The following GNG7 variants were observed in gnomAD, a reference collection of about 807,000 sequenced individuals.
The protein encoded by GNG7 is G protein subunit gamma 7.
Under a neutral mutation model 4.0 loss-of-function variants are expected in GNG7, and 1 was observed. The ratio of observed to expected loss-of-function variants is 0.25; its 90% confidence interval spans 0.09 to 1.18. GNG7 has a LOEUF of 1.18. Among genes scored for constraint, GNG7 ranks in the 50% most tolerant of loss-of-function variants. GNG7 has a pLI of 0.50. For missense variants in GNG7, 86 were observed against 91.9 expected, an observed-to-expected ratio of 0.94 and a Z score of 0.26; for synonymous variants, 34 against 36.9, an observed-to-expected ratio of 0.92 and a Z score of 0.29.
At chr19:2,576,531 A>G (rs1980347266) in intron 2 of GNG7, among the ~76,000 whole-genome samples, 1 of 151,792 alleles carries the variant, frequency 6.6e-6, no homozygotes, top group Non-Finnish European at 1.5e-5. Flanking sequence ...GGTCTTTTTT[A>G]TTTTATTATG....
chr19:2,515,283 T>C (rs1311332968), intron 4 of GNG7, 136 bp from the exon 5 acceptor site: 1 of 1,021,098 alleles, frequency 9.8e-7, no homozygotes, highest in African/African-American at 1.6e-5. Context: ...GGGCAAACAG[T>C]GCGGCCCGTC....
intron 1 of GNG7, among the ~76,000 whole-genome samples, chr19:2,674,309 A>G (rs1983539131): frequency 6.6e-6 from 1 of 152,218 alleles, no homozygotes; most frequent in African/African-American, 2.4e-5. Context: ...TATAATGGAA[A>G]TACACACAAT....
At chr19:2,659,613 AGAGGAGGGGAGGG>A (rs1983094058) in intron 1 of GNG7, among the ~76,000 whole-genome samples, 1 of 129,042 alleles carries the variant, frequency 7.7e-6, no homozygotes, top group Non-Finnish European at 1.6e-5. Context: ...AAAAAAAAAG[AGAGGAGGGGAGGG>A]AAAGAGGGAG....
At chr19:2,522,274 G>T (rs1024597101) in intron 3 of GNG7, among the ~76,000 whole-genome samples, 5 of 152,094 alleles carry the variant, frequency 3.3e-5, no homozygotes, top group Non-Finnish European at 5.9e-5. Flanking sequence ...GAGGGGGTTG[G>T]TGCTGATGGG....
intron 2 of GNG7, among the ~76,000 whole-genome samples, chr19:2,588,553 C>T (rs376397896): frequency 5.3e-5 from 8 of 152,218 alleles, no homozygotes; most frequent in East Asian, 3.8e-4. Context: ...GGCAGCTGGA[C>T]GCGGGCCCCG....
chr19:2,638,474 A>AGGGGAAGGGG (rs1982385334), intron 2 of GNG7, among the ~76,000 whole-genome samples: 1 of 10,538 alleles, frequency 9.5e-5, no homozygotes, highest in Non-Finnish European at 2.1e-4. Context: ...AGGGGAGGGG[A>AGGGGAAGGGG]AGGGGAGGGG....
chr19:2,540,829 C>A (rs1978936414), intron 3 of GNG7, among the ~76,000 whole-genome samples: 1 of 152,216 alleles, frequency 6.6e-6, no homozygotes, highest in Non-Finnish European at 1.5e-5. Context: ...GCACAGGAAG[C>A]CGTGACAGCG....
intron 4 of GNG7, among the ~76,000 whole-genome samples, chr19:2,517,739 T>C (rs1978291057): frequency 6.6e-6 from 1 of 152,188 alleles, no homozygotes; most frequent in South Asian, 2.1e-4. Flanking sequence ...CTCGAACTCC[T>C]AGGCTCAGGC....
At chr19:2,581,137 A>C (rs1176094727) in intron 2 of GNG7, among the ~76,000 whole-genome samples, 7 of 151,874 alleles carry the variant, frequency 4.6e-5, no homozygotes, top group Non-Finnish European at 1.0e-4. Context: ...CTCAAGAAAG[A>C]CTTCCATGAA....
intron 1 of GNG7, among the ~76,000 whole-genome samples, chr19:2,658,307 T>C (rs932776597): frequency 6.6e-6 from 1 of 152,212 alleles, no homozygotes; most frequent in South Asian, 2.1e-4. Context: ...AAGTATTTTA[T>C]GCTCTGTGAG....
Position 2,631,239 on chromosome 19 carries a change from G to A in GNG7, c.-78+14985C>T, listed in dbSNP as rs77178729. Among the ~76,000 whole-genome samples the A allele has an allele frequency of 7.7e-3, 1,168 of 152,274 alleles. 14 individuals are homozygous for A. The highest frequency in any genetic ancestry group is 0.026 in the African/African-American group (1,094 of 41,554). Reference sequence around the variant, plus strand: ...TTCAGAAAAGCACAGAGATGGCCCAGGGTCACAGAGCCAGTAGGTGGCAGA... The same window carrying A: ...TTCAGAAAAGCACAGAGATGGCCCAAGGTCACAGAGCCAGTAGGTGGCAGA... On this transcript the variant is annotated intron_variant, in intron 2 of 4. Coordinates refer to ENST00000382159, the MANE Select transcript of GNG7 (RefSeq NM_052847.3).
At chr19:2,525,914 A>G (rs1448864258) in intron 3 of GNG7, among the ~76,000 whole-genome samples, 2 of 146,252 alleles carry the variant, frequency 1.4e-5, no homozygotes, top group East Asian at 4.2e-4. Context: ...GGTTCAAGCG[A>G]TTCTCTTGCC....
At chr19:2,627,359 T>A (rs965972950) in intron 2 of GNG7, among the ~76,000 whole-genome samples, 26 of 151,758 alleles carry the variant, frequency 1.7e-4, no homozygotes, top group Non-Finnish European at 3.1e-4. Context: ...GGTAAGGGGG[T>A]GAACCCACCC....
intron 3 of GNG7, among the ~76,000 whole-genome samples, chr19:2,531,303 CAA>C (rs58133235): frequency 2.1e-5 from 2 of 95,072 alleles, no homozygotes; most frequent in African/African-American, 4.4e-5. Flanking sequence ...GATTCCGTCT[CAA>C]AAAAAAAAAA....
intron 3 of GNG7, among the ~76,000 whole-genome samples, chr19:2,550,121 A>G (rs1166050415): frequency 1.3e-5 from 2 of 152,190 alleles, no homozygotes; most frequent in Non-Finnish European, 2.9e-5. Context: ...GGATGGGGAA[A>G]GAGTGTTTGG....
At chr19:2,599,275 G>A (rs1981128389) in intron 2 of GNG7, among the ~76,000 whole-genome samples, 3 of 152,066 alleles carry the variant, frequency 2.0e-5, no homozygotes, top group African/African-American at 7.2e-5. Context: ...CTGTCTGTCT[G>A]CTTGAGTATC....
intron 2 of GNG7, among the ~76,000 whole-genome samples, chr19:2,561,204 C>T (rs1187169387): frequency 1.3e-5 from 2 of 151,948 alleles, no homozygotes; most frequent in South Asian, 4.2e-4. Context: ...ATCCCATAAC[C>T]CAGGGGGGCT....
At chr19:2,524,370 A>G (rs1978330182) in intron 3 of GNG7, among the ~76,000 whole-genome samples, 1 of 152,332 alleles carries the variant, frequency 6.6e-6, no homozygotes, top group Non-Finnish European at 1.5e-5. Flanking sequence ...TATGTCAATG[A>G]TGCACATGTG....
At chr19:2,593,533 C>G (rs577942823) in intron 2 of GNG7, among the ~76,000 whole-genome samples, 61 of 152,098 alleles carry the variant, frequency 4.0e-4, no homozygotes, top group Non-Finnish European at 6.6e-4. Context: ...CACCTGAGGT[C>G]AGAAGTTCGA....
Sources: allele counts gnomAD v4.1 joint callset (sites outside exome capture counted in the v4.1 genomes callset), GRCh38; gene constraint gnomAD v4.1.1; transcripts MANE v1.5; gene names NCBI Gene and HGNC (gene_info 2026-07-23, HGNC 2026-07-21).